The following MNT variants were observed in gnomAD, a reference collection of about 807,000 sequenced individuals.
MNT encodes max-binding protein MNT.
MNT carries 13 observed loss-of-function variants against 40.7 expected under a neutral mutation model. The observed-to-expected ratio is 0.32, with a 90% confidence interval of 0.21 to 0.51. MNT has a LOEUF of 0.51. Ranked by LOEUF, MNT falls within the 20% of genes least tolerant of loss-of-function variation. The pLI is 0.98. For missense variants in MNT, 757 were observed against 792.0 expected, an observed-to-expected ratio of 0.96 and a Z score of 0.53; for synonymous variants, 426 against 354.8, an observed-to-expected ratio of 1.20 and a Z score of -2.26.
intron 1 of MNT, among the ~76,000 whole-genome samples, chr17:2,399,290 A>C (rs1252795108): frequency 6.6e-6 from 1 of 152,074 alleles, no homozygotes; most frequent in Non-Finnish European, 1.5e-5. Flanking sequence ...AGCACCCTGA[A>C]GCCAGGGACC....
At position 2,394,297 on chromosome 17, in the gene MNT, A is replaced by G. The variant is rs1295925453; in HGVS notation, c.695+8T>C. 6.2e-7 allele frequency: 1 copy of G among 1,613,214 alleles called. No homozygotes were observed. Among genetic ancestry groups the G allele is most frequent in the South Asian group, 1.1e-5 (1 of 91,030 alleles). ...CGCACGCACACACACACACACACAC[A>G]CACACACCTGTTCTTCTCCAATTTG... On this transcript the variant is annotated splice_region_variant and intron_variant, in intron 3 of 5. Coordinates refer to ENST00000174618, the MANE Select transcript of MNT (RefSeq NM_020310.3).
chr17:2,400,523 C>A, intron 1 of MNT, 117 bp downstream of exon 1: 1 of 986,206 alleles, frequency 1.0e-6, no homozygotes, highest in Non-Finnish European at 1.4e-6. Context: ...CCGTGCGCTG[C>A]CAGGCTCCGC....
chr17:2,386,808 G>C lies in MNT; in HGVS notation c.*93C>G, dbSNP rs2066466004. On this transcript the variant is annotated 3_prime_UTR_variant, in exon 6 of 6. Transcript: ENST00000174618. ...GGGGGTGGGTGGGGGGGCTGGCCTG[G>C]GCCTGGCTGGAATGTGTGGAGCTGG... The C allele has an allele frequency of 7.4e-7, 1 of 1,346,322 alleles. No individual in the cohort carries two copies. Among genetic ancestry groups the C allele is most frequent in the Non-Finnish European group, 9.8e-7 (1 of 1,018,696 alleles). 83.4% of individuals were successfully genotyped at this position (1,346,322 alleles called of 1,614,324 possible).
rs1423255494 is a variant in MNT, at chr17:2,386,529, A to G, written c.*372T>C. 2 of 213,880 alleles carry G rather than the reference A, an allele frequency of 9.4e-6. No homozygotes were observed. Among genetic ancestry groups the G allele is most frequent in the African/African-American group, 4.6e-5 (2 of 43,370 alleles). The allele number at this position is 213,880 out of a possible 1,614,324, so 13.2% of individuals were successfully genotyped here. On this transcript the variant is annotated 3_prime_UTR_variant, in exon 6 of 6. Transcript: ENST00000174618. ...GCCTGGGCCACCTCACCAGACAGCA[A>G]TAGCAGCAGCAGCACACGAAGGCGG...
chr17:2,393,203 C>A (rs544806794), intron 4 of MNT, among the ~76,000 whole-genome samples: 1 of 149,670 alleles, frequency 6.7e-6, no homozygotes, highest in South Asian at 2.2e-4. Flanking sequence ...CGCGTCTCCG[C>A]GGCTGCCGGC....
At position 2,386,669 on chromosome 17, in the gene MNT, A is replaced by C. The variant is rs918486266; in HGVS notation, c.*232T>G. 8 of 463,752 alleles carry C rather than the reference A, an allele frequency of 1.7e-5. No homozygotes were observed. The highest frequency in any genetic ancestry group is 1.6e-4 in the African/African-American group (8 of 49,838). 28.7% of individuals were successfully genotyped at this position (463,752 alleles called of 1,614,324 possible). On this transcript the variant is annotated 3_prime_UTR_variant, in exon 6 of 6. Coordinates refer to ENST00000174618, the MANE Select transcript of MNT (RefSeq NM_020310.3). ...TGGCACTGGGCCGGACAGGTGGCAC[A>C]TTCCATCAGAGTCTCGCATTTTCTC...
intron 4 of MNT, 181 bp from the exon 5 acceptor site, chr17:2,388,230 GC>G: frequency 1.7e-6 from 1 of 587,772 alleles, no homozygotes; most frequent in South Asian, 2.2e-5. Flanking sequence ...GCCCAGTGAG[GC>G]CCAGCGTCCC....
At chr17:2,389,155 TG>T (rs1190339804) in intron 4 of MNT, 1 of 152,626 alleles carries the variant, frequency 6.6e-6, no homozygotes, top group Non-Finnish European at 1.5e-5. Flanking sequence ...TCCTTCTGTC[TG>T]CCACATCCTC....
chr17:2,395,676 G>GGACAGTCACGGGGGCT lies in MNT; in HGVS notation c.74-238_74-223dup, dbSNP rs967580350. Among the ~76,000 whole-genome samples the GGACAGTCACGGGGGCT allele has an allele frequency of 4.9e-4, 75 of 152,104 alleles. 2 individuals are homozygous for GGACAGTCACGGGGGCT. In the South Asian group the frequency reaches 0.015, roughly 29 times the overall value. Reference sequence around the variant, plus strand: ...TGTTCCCCGCCACCAGGGAATAGTAGGACAGTCACGGGGGCTGACAGTCAC... The same window carrying GGACAGTCACGGGGGCT: ...TGTTCCCCGCCACCAGGGAATAGTAGGACAGTCACGGGGGCTGACAGTCACGGGGGCTGACAGTCAC... On this transcript the variant is annotated intron_variant, in intron 1 of 5. Coordinates refer to ENST00000174618, the MANE Select transcript of MNT (RefSeq NM_020310.3).
intron 3 of MNT, 58 bp downstream of exon 3, chr17:2,394,246 CG>C: frequency 1.3e-6 from 2 of 1,594,012 alleles, no homozygotes; most frequent in Non-Finnish European, 1.7e-6. Flanking sequence ...CGAGGGCCGC[CG>C]GGGCCCGGGT....
chr17:2,395,744 G>A (rs2066573489), intron 1 of MNT, among the ~76,000 whole-genome samples: 1 of 152,106 alleles, frequency 6.6e-6, no homozygotes, highest in Non-Finnish European at 1.5e-5. Context: ...GGCGGCCCTG[G>A]AAAGGTGGAG....
rs964938289 is a variant in MNT, at chr17:2,392,538, G to A, written c.807+1505C>T. Among the ~76,000 whole-genome samples, 4 of 152,372 alleles carry A rather than the reference G, an allele frequency of 2.6e-5. No homozygotes were observed. In the South Asian group the frequency reaches 6.2e-4, roughly 24 times the overall value. On this transcript the variant is annotated intron_variant, in intron 4 of 5. Transcript: ENST00000174618. ...TAGCTAAGCAAATGTCGGGAGTGCA[G>A]CGAAGTGTCTGCATGAACACCCTCA...
In MNT at chr17:2,400,724, C is replaced by T; in HGVS notation, c.-12G>A. The T allele has an allele frequency of 6.5e-7, 1 of 1,543,402 alleles. No individual in the cohort carries two copies. The highest frequency in any genetic ancestry group is 8.7e-7 in the Non-Finnish European group (1 of 1,151,642). On this transcript the variant is annotated 5_prime_UTR_variant, in exon 1 of 6. Transcript: ENST00000174618. ...GTCTCTATGCTCATCGCGCCGAGAG[C>T]TGCCGGGGGCGCGCCGGGGCCGAGG...
At position 2,387,227 on chromosome 17, in the gene MNT, G is replaced by C. The variant is rs1289204541; in HGVS notation, c.1423C>G (p.Pro475Ala). Residue 475 changes from proline (P) to alanine (A), a missense_variant, in exon 6 of 6, where the codon CCC becomes GCC. This residue lies in a region of MNT where 345 missense variants were observed against 380.1 expected (regional missense o/e 0.91). Transcript: ENST00000174618. ...KHIAHIAPSAPSPAVQLAPAT... is the reference protein window; with the variant it reads ...KHIAHIAPSAASPAVQLAPAT... ...GGCGCCAGTTGCACCGCAGGGCTGG[G>C]GGCCGAGGGGGCGATGTGGGCGATG... 2 of 1,611,426 alleles carry C rather than the reference G, an allele frequency of 1.2e-6. No individual in the cohort carries two copies. Among genetic ancestry groups the C allele is most frequent in the Admixed American group, 1.7e-5 (1 of 59,558 alleles).
rs1229047249 is a variant in MNT, at chr17:2,395,385, C to G, written c.143G>C (p.Arg48Thr). 3.7e-6 allele frequency: 6 copies of G among 1,613,568 alleles called. No individual in the cohort carries two copies. The highest frequency in any genetic ancestry group is 5.1e-6 in the Non-Finnish European group (6 of 1,179,944). The stretch of plus-strand genomic sequence containing the variant: ...CTCCACAGGAAGGGTATGTGCCAGC[C>G]TGGCCAGGCTATTGGCCTTCTTCTG... ...QEQKKANSLA[R>T]LAHTLPVEEP... The change falls in exon 2 of 6, where the codon AGG (arginine) becomes ACG (threonine). Residue 48 changes from arginine to threonine, a missense_variant. Around this residue, in one of 4 missense-constraint regions of MNT, gnomAD observed 335 missense variants for 291.4 expected, o/e 1.15. Transcript: ENST00000174618.
chr17:2,392,675 G>A (rs890840498), intron 4 of MNT: 1 of 151,952 alleles, frequency 6.6e-6, no homozygotes, highest in African/African-American at 2.4e-5. Context: ...GCGCCCCGAG[G>A]CCCCACCCCG....
At position 2,386,959 on chromosome 17, in the gene MNT, T is replaced by C; in HGVS notation, c.1691A>G (p.Asn564Ser). 2 of 1,518,880 alleles carry C rather than the reference T, an allele frequency of 1.3e-6. No homozygotes were observed. Among genetic ancestry groups the C allele is most frequent in the East Asian group, 2.3e-5 (1 of 42,648 alleles). 94.1% of individuals were successfully genotyped at this position (1,518,880 alleles called of 1,614,324 possible). A position where few individuals can be genotyped will look rare whatever the true frequency, so the allele number is the denominator to read the frequency against. The change falls in exon 6 of 6, where the codon AAC (asparagine) becomes AGC (serine). Residue 564 changes from asparagine to serine, a missense_variant. By Grantham distance (46) the Asn-to-Ser change is conservative. Coordinates refer to ENST00000174618, the MANE Select transcript of MNT (RefSeq NM_020310.3). ...HPQLVGQTVLNPVTMVTMPSF... is the reference protein window; with the variant it reads ...HPQLVGQTVLSPVTMVTMPSF... The stretch of plus-strand genomic sequence containing the variant: ...GGGCATGGTGACCATGGTCACAGGG[T>C]TGAGCACGGTCTGGCCCACCAGCTG...
rs771433131 is a variant in MNT at position 2,395,384 on chromosome 17, C to A, written c.144G>T (p.Arg48Ser). Residue 48 changes from arginine (R) to serine (S), a missense_variant, in exon 2 of 6, where the codon AGG (arginine) becomes AGT (serine). Physicochemically the swap from Arg to Ser is moderately radical, Grantham distance 110. Coordinates refer to ENST00000174618, the MANE Select transcript of MNT (RefSeq NM_020310.3). The part of the protein sequence containing the change: ...QEQKKANSLA[R>S]LAHTLPVEEP... The stretch of plus-strand genomic sequence containing the variant: ...CCTCCACAGGAAGGGTATGTGCCAG[C>A]CTGGCCAGGCTATTGGCCTTCTTCT... The A allele has an allele frequency of 1.2e-6, 2 of 1,613,678 alleles. No homozygotes were observed. The highest frequency in any genetic ancestry group is 2.2e-5 in the East Asian group (1 of 44,858).
chr17:2,394,004 C>CG, intron 4 of MNT, 39 bp downstream of exon 4: 1 of 1,445,464 alleles, frequency 6.9e-7, no homozygotes, highest in East Asian at 2.7e-5. Flanking sequence ...GGAGGGAGGG[C>CG]GGGGGAAGCT....
Sources: gnomAD v4.1 joint callset for allele counts (sites outside exome capture counted in the v4.1 genomes callset) on GRCh38, gnomAD v4.1.1 for gene constraint, gnomAD v4.1.1 regional missense constraint, MANE v1.5 for transcripts, NCBI Gene and HGNC (gene_info 2026-07-23, HGNC 2026-07-21) for gene names.